OSTF1: variants seen among roughly 807,000 people sequenced by gnomAD.
OSTF1 encodes osteoclast-stimulating factor 1.
Under a neutral mutation model 37.2 loss-of-function variants are expected in OSTF1, and 27 were observed. That is an observed-to-expected ratio of 0.73 (90% confidence interval 0.54 to 1.00). The LOEUF (loss-of-function observed/expected upper bound fraction) is 1.00. OSTF1 is among the 50% of genes least tolerant of loss of function. OSTF1 has a pLI of 0.00. For synonymous variants in OSTF1, 82 were observed against 89.2 expected (o/e 0.92, Z 0.46); for missense variants, 232 against 253.8 (o/e 0.91, Z 0.58).
intron 1 of OSTF1, among the ~76,000 whole-genome samples, chr9:75,096,022 G>T (rs546648828): frequency 1.3e-5 from 2 of 152,112 alleles, no homozygotes; most frequent in African/African-American, 4.8e-5. Flanking sequence ...CTCCTGAGTG[G>T]CTGGGACTGC....
chr9:75,133,096 T>C (rs1178663175), intron 5 of OSTF1, among the ~76,000 whole-genome samples, 198 bp from the exon 6 acceptor site: 1 of 152,058 alleles, frequency 6.6e-6, no homozygotes, highest in African/African-American at 2.4e-5. Flanking sequence ...ATTAGAAACA[T>C]TGATGTTAAT....
In OSTF1 at chr9:75,089,500, T is replaced by C. The variant is rs562462491; in HGVS notation, c.34+774T>C. On this transcript the variant is annotated intron_variant, in intron 1 of 9. Transcript: ENST00000346234. ...GAATATTTTCTGTGATATGCAGAAA[T>C]AAGATAATTGTAAAAGAAACTGACG... Among the ~76,000 whole-genome samples the C allele has an allele frequency of 2.0e-5, 3 of 152,262 alleles. No homozygotes were observed. In the South Asian group the frequency reaches 6.2e-4, roughly 32 times the overall value.
At chr9:75,137,829 A>T (rs1825867591) in intron 8 of OSTF1, among the ~76,000 whole-genome samples, 1 of 152,208 alleles carries the variant, frequency 6.6e-6, no homozygotes. Context: ...AAACCATGGC[A>T]AGCTTTAACA....
chr9:75,143,333 CA>C (rs986605146), intron 9 of OSTF1, among the ~76,000 whole-genome samples: 58 of 152,254 alleles, frequency 3.8e-4, no homozygotes, highest in African/African-American at 1.3e-3. Flanking sequence ...AGCCCTTTAA[CA>C]TTTTTTTCCA....
At chr9:75,129,561 G>T (rs1404174790) in intron 3 of OSTF1, among the ~76,000 whole-genome samples, 1 of 152,092 alleles carries the variant, frequency 6.6e-6, no homozygotes, top group African/African-American at 2.4e-5. Flanking sequence ...CTAGGAAATA[G>T]CCTTGCCAAA....
intron 1 of OSTF1, among the ~76,000 whole-genome samples, chr9:75,111,811 C>CCTTT (rs1825393042): frequency 1.9e-5 from 1 of 52,114 alleles, no homozygotes; most frequent in African/African-American, 8.0e-5. Context: ...ATGTTTACTG[C>CCTTT]TTTTTTTTTT....
At chr9:75,093,060 C>CTTTTTTTTTTTTTTTTT (rs1433476660) in intron 1 of OSTF1, among the ~76,000 whole-genome samples, 1 of 134,950 alleles carries the variant, frequency 7.4e-6, no homozygotes, top group African/African-American at 3.1e-5. Flanking sequence ...CTCTTTCTTT[C>CTTTTTTTTTTTTTTTTT]TTTCTTTTTT....
chr9:75,145,941 C>G (rs1309457809), intron 9 of OSTF1, among the ~76,000 whole-genome samples: 1 of 152,170 alleles, frequency 6.6e-6, no homozygotes, highest in Non-Finnish European at 1.5e-5. Context: ...GTATAATAAG[C>G]TTCAGAGATG....
At chr9:75,103,511 G>A (rs568506474) in intron 1 of OSTF1, among the ~76,000 whole-genome samples, 2 of 152,032 alleles carry the variant, frequency 1.3e-5, no homozygotes, top group Non-Finnish European at 2.9e-5. Context: ...GCAGATTTTT[G>A]TTTTACATAG....
At chr9:75,113,254 C>T (rs1825423271) in intron 1 of OSTF1, among the ~76,000 whole-genome samples, 1 of 152,056 alleles carries the variant, frequency 6.6e-6, no homozygotes, top group African/African-American at 2.4e-5. Flanking sequence ...ACACACTTGG[C>T]GTAATGAATG....
In OSTF1 at chr9:75,146,696, A is replaced by C; in HGVS notation, c.600A>C (p.Thr200=). ...KKKQGTDAVR[T]LSNAEDYLDD... ...TCTTTCTTTCAGATGCAGTTCGAAC[A>C]TTAAGCAATGCCGAGGACTATCTCG... The change falls in exon 10 of 10, where the codon ACA becomes ACC. Residue 200 remains threonine (T), a synonymous_variant. Transcript: ENST00000346234. 1 of 1,610,484 alleles carries C rather than the reference A, an allele frequency of 6.2e-7. No individual in the cohort carries two copies.
chr9:75,113,039 C>T (rs1825419618), intron 1 of OSTF1, among the ~76,000 whole-genome samples: 1 of 151,986 alleles, frequency 6.6e-6, no homozygotes, highest in African/African-American at 2.4e-5. Flanking sequence ...ACTCCAGACC[C>T]AAAAAATTTC....
chr9:75,127,611 A>C lies in OSTF1; in HGVS notation c.124A>C (p.Thr42Pro). The C allele has an allele frequency of 6.4e-7, 1 of 1,570,346 alleles. No homozygotes were observed. The highest frequency in any genetic ancestry group is 8.7e-7 in the Non-Finnish European group (1 of 1,149,268). The change falls in exon 3 of 10, where the codon ACT (threonine) becomes CCT (proline). Residue 42 changes from threonine (T) to proline (P), a missense_variant. Transcript: ENST00000346234. ...YFEEGDIIYI[T>P]DMSDTNWWKG... Reference sequence around the variant, plus strand: ...TGAGGAAGGTGATATTATCTACATTACTGACATGGTAAGTCCAGATAACAT... The same window carrying C: ...TGAGGAAGGTGATATTATCTACATTCCTGACATGGTAAGTCCAGATAACAT...
At chr9:75,134,512 A>C in intron 7 of OSTF1, 117 bp downstream of exon 7, 1 of 586,954 alleles carries the variant, frequency 1.7e-6, no homozygotes, top group Middle Eastern at 3.5e-4. Flanking sequence ...ATAATTTAAA[A>C]ATTATAATTG....
chr9:75,135,202 T>C (rs1825823969), intron 7 of OSTF1, among the ~76,000 whole-genome samples: 8 of 152,210 alleles, frequency 5.3e-5, no homozygotes, highest in Admixed American at 5.2e-4. Flanking sequence ...ATTGATTATA[T>C]GGCTGATCAG....
At chr9:75,128,755 C>T (rs1046084487) in intron 3 of OSTF1, among the ~76,000 whole-genome samples, 19 of 150,298 alleles carry the variant, frequency 1.3e-4, no homozygotes, top group Admixed American at 6.7e-5. Flanking sequence ...GTAATTAGGT[C>T]GGTGATGTTG....
At chr9:75,106,352 G>T (rs1840010314) in intron 1 of OSTF1, among the ~76,000 whole-genome samples, 1 of 152,156 alleles carries the variant, frequency 6.6e-6, no homozygotes, top group African/African-American at 2.4e-5. Context: ...TTCAAGAGCA[G>T]TGGGCTTTTA....
chr9:75,093,085 G>T (rs1825011490), intron 1 of OSTF1, among the ~76,000 whole-genome samples: 2 of 132,542 alleles, frequency 1.5e-5, no homozygotes. Flanking sequence ...TTTGGAGATG[G>T]GATTTTGCTA....
rs576314486 is a variant in OSTF1, at chr9:75,123,321, C to T, written c.82-4248C>T. ...CCTGTAGTCCCAGCTACTCCGGAGGCTGAGGCAGGAGAATGGCGTGAACCC... is the reference window on the plus strand; with the variant it reads ...CCTGTAGTCCCAGCTACTCCGGAGGTTGAGGCAGGAGAATGGCGTGAACCC... On this transcript the variant is annotated intron_variant, in intron 2 of 9. Coordinates refer to ENST00000346234, the MANE Select transcript of OSTF1 (RefSeq NM_012383.5). 3.8e-3 allele frequency among the ~76,000 whole-genome samples: 575 copies of T among 152,310 alleles called. 5 individuals carry two copies. Among genetic ancestry groups the T allele is most frequent in the African/African-American group, 0.013 (557 of 41,568 alleles).
Sources: gnomAD v4.1 joint callset for allele counts (sites outside exome capture counted in the v4.1 genomes callset) on GRCh38, gnomAD v4.1.1 for gene constraint, MANE v1.5 for transcripts, NCBI Gene and HGNC (gene_info 2026-07-23, HGNC 2026-07-21) for gene names.